The following CLIP1 variants were observed in gnomAD, a reference collection of about 807,000 sequenced individuals.
CLIP1 encodes CAP-Gly domain-containing linker protein 1.
A neutral mutation model predicts 161.6 loss-of-function variants in CLIP1; 66 were observed. The observed-to-expected ratio is 0.41, with a 90% confidence interval of 0.33 to 0.50. CLIP1 has a LOEUF of 0.50. CLIP1 is among the 20% of genes least tolerant of loss of function. The pLI, the probability that CLIP1 is intolerant of heterozygous loss-of-function variation, is 0.27. For missense variants in CLIP1, 1,376 were observed against 1,702.0 expected (o/e 0.81, Z 3.37); for synonymous variants, 598 against 626.2 (o/e 0.96, Z 0.67).
chr12:122,316,079 G>A (rs1225124051), intron 19 of CLIP1, among the ~76,000 whole-genome samples: 3 of 151,930 alleles, frequency 2.0e-5, no homozygotes, highest in Admixed American at 6.6e-5. Flanking sequence ...CTGGCCAGGC[G>A]CAGTGGTTCA....
At chr12:122,276,930 G>A (rs11057346) in intron 24 of CLIP1, 2,959 of 162,240 alleles carry the variant, frequency 0.018, 86 homozygotes, top group African/African-American at 0.066. Flanking sequence ...TGGGATTGCA[G>A]GTGTGAGCTG....
At chr12:122,298,810 CT>C (rs1950566926) in intron 20 of CLIP1, among the ~76,000 whole-genome samples, 1 of 151,840 alleles carries the variant, frequency 6.6e-6, no homozygotes, top group Non-Finnish European at 1.5e-5. Flanking sequence ...CAAAAATTAG[CT>C]GTGTGTGGTG....
In CLIP1 at chr12:122,371,923, T is replaced by G. The variant is rs116746928; in HGVS notation, c.657+5466A>C. 9.7e-3 allele frequency among the ~76,000 whole-genome samples: 1,483 copies of G among 152,268 alleles called. 24 individuals are homozygous for G. The highest frequency in any genetic ancestry group is 0.034 in the African/African-American group (1,418 of 41,546). On this transcript the variant is annotated intron_variant, in intron 3 of 25. Transcript: ENST00000620786. ...TGCAGCAGCATAAGGGGCCATGTAT[T>G]TCCCTCCTGGACAACCCTAAAAGGT...
intron 5 of CLIP1, among the ~76,000 whole-genome samples, chr12:122,359,513 T>C (rs1953673917): frequency 1.3e-5 from 2 of 152,370 alleles, no homozygotes; most frequent in Admixed American, 1.3e-4. Flanking sequence ...CTGACCCACA[T>C]TAAACAAAGC....
chr12:122,301,245 T>G (rs1466905395), intron 20 of CLIP1, among the ~76,000 whole-genome samples: 1 of 152,224 alleles, frequency 6.6e-6, no homozygotes, highest in Non-Finnish European at 1.5e-5. Flanking sequence ...GTAATACTGT[T>G]GTATCGAGGT....
intron 20 of CLIP1, among the ~76,000 whole-genome samples, chr12:122,292,536 C>G (rs1275022602): frequency 1.3e-5 from 2 of 152,236 alleles, no homozygotes; most frequent in Non-Finnish European, 1.5e-5. Context: ...TCCGTCCCAG[C>G]CCTGGCATCA....
intron 4 of CLIP1, among the ~76,000 whole-genome samples, chr12:122,361,696 T>A (rs1593163781): frequency 6.6e-6 from 1 of 152,100 alleles, no homozygotes; most frequent in Admixed American, 6.5e-5. Flanking sequence ...ACAGACCCCG[T>A]CTCTACAAAA....
intron 20 of CLIP1, among the ~76,000 whole-genome samples, chr12:122,293,459 G>A (rs941382635): frequency 1.3e-5 from 2 of 151,572 alleles, no homozygotes; most frequent in African/African-American, 4.8e-5. Flanking sequence ...ACTAATTTTG[G>A]AAAATGGTTT....
intron 1 of CLIP1, among the ~76,000 whole-genome samples, chr12:122,391,840 G>A (rs1295722849): frequency 6.6e-6 from 1 of 152,194 alleles, no homozygotes; most frequent in Non-Finnish European, 1.5e-5. Context: ...AACACCATTT[G>A]AATGCACCAC....
intron 7 of CLIP1, 80 bp from the exon 8 acceptor site, chr12:122,352,866 A>C (rs1416054422): frequency 1.8e-5 from 23 of 1,267,404 alleles, no homozygotes; most frequent in Non-Finnish European, 2.4e-5. Context: ...AACAAACAAA[A>C]AAACACGTTG....
At chr12:122,356,003 T>C (rs1953326969) in intron 5 of CLIP1, 1 of 152,214 alleles carries the variant, frequency 6.6e-6, no homozygotes, top group Non-Finnish European at 1.5e-5. Context: ...AGGCCCTTAC[T>C]GCAAGATGCA....
At chr12:122,357,371 C>G (rs575450296) in intron 5 of CLIP1, among the ~76,000 whole-genome samples, 17 of 151,240 alleles carry the variant, frequency 1.1e-4, no homozygotes, top group Admixed American at 1.1e-3. Flanking sequence ...GCAACCGCCC[C>G]GTCTGAGAAG....
rs375558745 is a variant in CLIP1 at position 122,347,478 on chromosome 12, G to A, written c.1403C>T (p.Thr468Met). The A allele has an allele frequency of 1.2e-6, 2 of 1,611,102 alleles. No homozygotes were observed. The highest frequency in any genetic ancestry group is 8.5e-7 in the Non-Finnish European group (1 of 1,177,528). Residue 468 changes from threonine (T) to methionine (M), a missense_variant and splice_region_variant, in exon 10 of 26, where the codon ACG becomes ATG. By Grantham distance (81) the Thr-to-Met change is moderately conservative (BLOSUM62 -1). Transcript: ENST00000620786. ...GCGGGCATGCTCCAGTTTGGTCTGC[G>A]TCTGTTAGTAAAAAGGAAGAGGAAG... ...KSQISEDPEN[T>M]QTKLEHARIK...
intron 3 of CLIP1, among the ~76,000 whole-genome samples, chr12:122,371,567 T>A (rs1483242693): frequency 6.6e-6 from 1 of 152,080 alleles, no homozygotes; most frequent in Non-Finnish European, 1.5e-5. Flanking sequence ...TCTGTAATTG[T>A]GCAAAGAATA....
intron 15 of CLIP1, among the ~76,000 whole-genome samples, chr12:122,330,927 G>A (rs933420487): frequency 4.0e-5 from 6 of 151,744 alleles, no homozygotes; most frequent in African/African-American, 1.5e-4. Flanking sequence ...AGAGCAGGAG[G>A]GGCTCTGGGA....
At chr12:122,387,729 G>A (rs960303691) in intron 1 of CLIP1, among the ~76,000 whole-genome samples, 2 of 149,790 alleles carry the variant, frequency 1.3e-5, no homozygotes, top group Non-Finnish European at 1.5e-5. Flanking sequence ...TGAGACTACA[G>A]GCACACACCA....
chr12:122,368,575 C>A (rs1448349889), intron 3 of CLIP1, among the ~76,000 whole-genome samples: 12 of 152,108 alleles, frequency 7.9e-5, no homozygotes, highest in Non-Finnish European at 1.5e-5. Flanking sequence ...GGTTGTTTCA[C>A]AGGAATTTTG....
At chr12:122,322,457 G>A (rs1341220846) in intron 17 of CLIP1, 4 of 152,634 alleles carry the variant, frequency 2.6e-5, no homozygotes, top group African/African-American at 7.2e-5. Context: ...CTGCAGCTCT[G>A]CCTTGGATTT....
intron 3 of CLIP1, among the ~76,000 whole-genome samples, chr12:122,369,562 G>A (rs373235773): frequency 6.6e-6 from 1 of 151,874 alleles, no homozygotes. Context: ...TTGTGGGTGT[G>A]ACAGTGAATG....
Sources: allele counts gnomAD v4.1 joint callset (sites outside exome capture counted in the v4.1 genomes callset), GRCh38; gene constraint gnomAD v4.1.1; transcripts MANE v1.5; gene names NCBI Gene and HGNC (gene_info 2026-07-23, HGNC 2026-07-21).